Variants in ABLIM1 observed in about 807,000 individuals in gnomAD.
ABLIM1 encodes the protein actin binding LIM protein 1.
Under a neutral mutation model 107.0 loss-of-function variants are expected in ABLIM1, and 40 were observed. The ratio of observed to expected loss-of-function variants is 0.37; its 90% CI spans 0.29 to 0.49. The LOEUF is 0.49. ABLIM1 is among the 20% of genes least tolerant of loss of function. The probability of loss-of-function intolerance (pLI) is 0.97; values close to 1 mark genes in which losing one functional copy is unlikely to be tolerated. For synonymous variants in ABLIM1, 357 were observed against 357.3 expected (o/e 1.00, Z 0.01); for missense variants, 857 against 1,008.5 (o/e 0.85, Z 2.04).
rs950564554 is a variant in ABLIM1 at position 114,557,683 on chromosome 10, T to G, written c.674-9907A>C. ...TCCATAGTGAGGTGTTTTTTTTTTT[T>G]TTTTTTTTTTGGATAAATATAGAAA... On this transcript the variant is annotated intron_variant, in intron 4 of 22. Coordinates refer to ENST00000533213, the MANE Select transcript of ABLIM1 (RefSeq NM_002313.7). 2.7e-5 allele frequency among the ~76,000 whole-genome samples: 4 copies of G among 150,094 alleles called. No individual in the cohort carries two copies. In the East Asian group the frequency reaches 7.8e-4, roughly 29 times the overall value.
In ABLIM1 at chr10:114,705,546, G is replaced by A. The variant is rs369444774; in HGVS notation, c.-213+62515C>T. The stretch of plus-strand genomic sequence containing the variant: ...CATAACGAGTAAGGATGAAGGAAAC[G>A]GGAAATGGAGATGGTTTGGGGATGG... On this transcript the variant is annotated intron_variant, in intron 1 of 15. Coordinates refer to the ABLIM1 transcript ENST00000651092. 6.2e-4 allele frequency among the ~76,000 whole-genome samples: 94 copies of A among 152,248 alleles called. 2 individuals carry two copies. The South Asian group carries it at 0.018, about 29-fold the overall frequency.
chr10:114,535,062 A>G (rs1424432363), intron 6 of ABLIM1, among the ~76,000 whole-genome samples: 1 of 152,218 alleles, frequency 6.6e-6, no homozygotes, highest in Non-Finnish European at 1.5e-5. Context: ...TCAATTCCCA[A>G]CCTGATAGCC....
At chr10:114,507,038 T>C (rs2061248443) in intron 6 of ABLIM1, among the ~76,000 whole-genome samples, 1 of 152,220 alleles carries the variant, frequency 6.6e-6, no homozygotes. Context: ...TACAGATGGT[T>C]CAGCTCTATA....
intron 1 of ABLIM1, among the ~76,000 whole-genome samples, chr10:114,648,647 C>T (rs2079105873): frequency 6.6e-6 from 1 of 152,200 alleles, no homozygotes; most frequent in Non-Finnish European, 1.5e-5. Flanking sequence ...AATGCACAGG[C>T]TCGTAAATGT....
intron 1 of ABLIM1, among the ~76,000 whole-genome samples, chr10:114,657,753 G>A (rs375039549): frequency 1.3e-5 from 2 of 152,024 alleles, no homozygotes; most frequent in African/African-American, 2.4e-5. Context: ...TAAAATCCTG[G>A]ACAAAAATAT....
intron 10 of ABLIM1, among the ~76,000 whole-genome samples, chr10:114,469,834 T>C (rs966821380): frequency 6.6e-6 from 1 of 152,220 alleles, no homozygotes; most frequent in African/African-American, 2.4e-5. Flanking sequence ...AGCTTTCAAA[T>C]AGAAATGAAA....
At chr10:114,658,359 G>C, upstream of ABLIM1, 1 of 1,367,894 alleles carries the variant, frequency 7.3e-7, no homozygotes, top group African/African-American at 1.4e-5. Flanking sequence ...TTACCCTCAA[G>C]AGCTTAGGGC....
intron 1 of ABLIM1, chr10:114,632,695 G>A (rs1333991981): frequency 1.0e-6 from 1 of 985,260 alleles, no homozygotes; most frequent in African/African-American, 1.7e-5. Flanking sequence ...CAGGATCAAA[G>A]TTAAAATCTG....
upstream of ABLIM1, among the ~76,000 whole-genome samples, chr10:114,658,715 G>A (rs1398619001): frequency 6.6e-6 from 1 of 152,228 alleles, no homozygotes; most frequent in Non-Finnish European, 1.5e-5. Context: ...GCTTCAATTC[G>A]TGACAAATCC....
chr10:114,556,149 C>A lies in ABLIM1; in HGVS notation c.674-8373G>T, dbSNP rs1241403143. Among the ~76,000 whole-genome samples, 5 of 152,010 alleles carry A rather than the reference C, an allele frequency of 3.3e-5. No homozygotes were observed. The South Asian group carries it at 1.0e-3, about 31-fold the overall frequency. ...CTGAATTTAATGTCATCTATCCTGT[C>A]ATTCATTTGTTCCTAGAGAACATGG... On this transcript the variant is annotated intron_variant, in intron 4 of 22. Coordinates refer to ENST00000533213, the MANE Select transcript of ABLIM1 (RefSeq NM_002313.7).
chr10:114,739,341 T>C (rs748144967), intron 1 of ABLIM1, among the ~76,000 whole-genome samples: 10 of 152,318 alleles, frequency 6.6e-5, no homozygotes, highest in South Asian at 4.2e-4. Context: ...ACATTCTTCA[T>C]CTTACATCCT....
chr10:114,488,026 C>G lies in ABLIM1; in HGVS notation c.983-10G>C. On this transcript the variant is annotated splice_polypyrimidine_tract_variant and intron_variant, in intron 7 of 22. Coordinates refer to ENST00000533213, the MANE Select transcript of ABLIM1 (RefSeq NM_002313.7). ...TGCCAAACGGTGGAGCCTGAGAAGA[C>G]AGAATGCACTACTAAGAGCCAGGAA... 4.3e-6 allele frequency: 7 copies of G among 1,614,096 alleles called. No homozygotes were observed. The highest frequency in any genetic ancestry group is 5.9e-6 in the Non-Finnish European group (7 of 1,179,988).
chr10:114,783,309 A>T, the ABLIM1 span, among the ~76,000 whole-genome samples: 16 of 151,830 alleles, frequency 1.1e-4, no homozygotes, highest in African/African-American at 3.4e-4. Flanking sequence ...CATAAAAACT[A>T]AAAAAAATAA....
At chr10:114,781,664 G>GTATATATATATATATA in the ABLIM1 span, among the ~76,000 whole-genome samples, 11 of 143,356 alleles carry the variant, frequency 7.7e-5, no homozygotes, top group Non-Finnish European at 1.4e-4. Context: ...ATATATGCGT[G>GTATATATATATATATA]TATATATATA....
At chr10:114,481,353 G>A (rs1590217107) in intron 8 of ABLIM1, among the ~76,000 whole-genome samples, 1 of 150,948 alleles carries the variant, frequency 6.6e-6, no homozygotes, top group East Asian at 1.9e-4. Flanking sequence ...CCAAAGCCAT[G>A]CTCTAAGGAG....
the ABLIM1 span, among the ~76,000 whole-genome samples, chr10:114,786,597 T>G: frequency 6.6e-6 from 1 of 152,228 alleles, no homozygotes; most frequent in Non-Finnish European, 1.5e-5. Context: ...TGAAATTATT[T>G]GATAAGACTG....
At chr10:114,485,336 T>C (rs1398901085) in intron 8 of ABLIM1, 2 of 1,613,056 alleles carry the variant, frequency 1.2e-6, no homozygotes, top group Non-Finnish European at 1.7e-6. Context: ...GAATCAGACT[T>C]TTGGAATAAA....
At position 114,491,012 on chromosome 10, in the gene ABLIM1, G is replaced by GTGTGTGTGTGTATGTATATATA; in HGVS notation, c.982+778_982+779insTATATATACATACACACACACA. 2.3e-3 allele frequency among the ~76,000 whole-genome samples: 211 copies of GTGTGTGTGTGTATGTATATATA among 92,390 alleles called. 4 individuals are homozygous for GTGTGTGTGTGTATGTATATATA. The highest frequency in any genetic ancestry group is 8.7e-3 in the African/African-American group (189 of 21,704). 60.6% of individuals were successfully genotyped at this position (92,390 alleles called of 152,430 possible). A position where few individuals can be genotyped will look rare whatever the true frequency, so the allele number is the denominator to read the frequency against. On this transcript the variant is annotated intron_variant, in intron 7 of 22. Coordinates refer to ENST00000533213, the MANE Select transcript of ABLIM1 (RefSeq NM_002313.7). Reference sequence around the variant, plus strand: ...TGTGTGTGTGTGTGTGTGTGTGTGTGTATATATATATATGGTCTATTTTAT... The same window carrying GTGTGTGTGTGTATGTATATATA: ...TGTGTGTGTGTGTGTGTGTGTGTGTGTGTGTGTGTGTATGTATATATATATATATATATATGGTCTATTTTAT...
At chr10:114,497,427 C>T (rs931337980) in intron 6 of ABLIM1, among the ~76,000 whole-genome samples, 1 of 148,262 alleles carries the variant, frequency 6.7e-6, no homozygotes, top group African/African-American at 2.5e-5. Context: ...TGCCTGTAAT[C>T]CCAACACTTT....
Sources: allele counts gnomAD v4.1 joint callset (sites outside exome capture counted in the v4.1 genomes callset), GRCh38; gene constraint gnomAD v4.1.1; transcripts MANE v1.5; gene names NCBI Gene and HGNC (gene_info 2026-07-23, HGNC 2026-07-21).